The following FGF13 variants were observed in gnomAD, a reference collection of about 807,000 sequenced individuals.
FGF13 encodes fibroblast growth factor homologous factor 2.
A neutral mutation model predicts 19.5 loss-of-function variants in FGF13; 2 were observed. The observed-to-expected ratio is 0.10, with a 90% CI of 0.04 to 0.32. The LOEUF (loss-of-function observed/expected upper bound fraction) is 0.32, where lower values mean the gene tolerates loss of function less well. FGF13 is among the 10% of genes least tolerant of loss of function. The pLI, the probability that FGF13 is intolerant of heterozygous loss-of-function variation, is 1.00. For synonymous variants in FGF13, 72 were observed against 76.9 expected (o/e 0.94, Z 0.33); for missense variants, 113 against 192.7 (o/e 0.59, Z 2.45).
At chrX:138,723,497 A>T (rs1003085567) in intron 1 of FGF13, among the ~76,000 whole-genome samples, 10 of 111,277 alleles carry the variant, frequency 9.0e-5, no homozygotes, top group Admixed American at 1.9e-4. Context: ...GCTGATTAAC[A>T]GGAGTATTTG....
intron 1 of FGF13, among the ~76,000 whole-genome samples, chrX:139,192,102 A>G (rs2084335397): frequency 1.8e-5 from 2 of 111,845 alleles, no homozygotes; most frequent in Admixed American, 9.5e-5. Context: ...AGAGAGAAAG[A>G]AGGCTTCCAA....
chrX:138,989,319 A>G (rs1424581145), intron 1 of FGF13, among the ~76,000 whole-genome samples: 2 of 111,828 alleles, frequency 1.8e-5, no homozygotes, highest in Non-Finnish European at 3.8e-5. Flanking sequence ...TATGGCGATC[A>G]CAACCACACT....
At chrX:138,826,609 T>A (rs942143359) in intron 3 of FGF13, among the ~76,000 whole-genome samples, 4 of 112,255 alleles carry the variant, frequency 3.6e-5, no homozygotes, top group African/African-American at 1.3e-4. Context: ...AATCAGATCC[T>A]AAGAATGCTG....
intron 1 of FGF13, among the ~76,000 whole-genome samples, chrX:139,107,891 GA>G (rs1263942968): frequency 5.2e-4 from 55 of 105,151 alleles, no homozygotes; most frequent in Middle Eastern, 4.9e-3. Context: ...AGTAAAAAAA[GA>G]AAAAAAAAAT....
At chrX:138,927,782 G>T (rs1168856528) in intron 1 of FGF13, among the ~76,000 whole-genome samples, 9 of 111,664 alleles carry the variant, frequency 8.1e-5, no homozygotes, top group Non-Finnish European at 1.7e-4. Context: ...CTATTACTTA[G>T]TACCAGCAAG....
At position 138,627,636 on chromosome X, in the gene FGF13, T is replaced by TGCGC. The variant is rs1569348133; in HGVS notation, c.*5213_*5214insGCGC. 1.1e-4 allele frequency: 12 copies of TGCGC among 104,832 alleles called. No individual in the cohort carries two copies. The highest frequency in any genetic ancestry group is 3.1e-4 in the Admixed American group (3 of 9,529). The allele number at this position is 104,832 out of a possible 1,213,427, so 8.6% of individuals were successfully genotyped here. ...GTGTGTGTGTGTGTGTGCGCGTGTG[T>TGCGC]GTGTGTGTGTGTGTGAAGTGTTTGT... On this transcript the variant is annotated 3_prime_UTR_variant, in exon 5 of 5. Transcript: ENST00000315930.
chrX:138,955,608 T>A (rs1170789046), intron 1 of FGF13, among the ~76,000 whole-genome samples: 1 of 112,013 alleles, frequency 8.9e-6, no homozygotes, highest in Non-Finnish European at 1.9e-5. Context: ...AAGTGTGTGC[T>A]CTTAACCACA....
intron 3 of FGF13, among the ~76,000 whole-genome samples, chrX:138,687,820 C>T (rs944977273): frequency 9.0e-6 from 1 of 111,383 alleles, no homozygotes; most frequent in African/African-American, 3.3e-5. Flanking sequence ...TATTCAGCCA[C>T]AAAAAAGAAT....
intron 1 of FGF13, among the ~76,000 whole-genome samples, chrX:138,911,591 G>A (rs952345668): frequency 2.7e-5 from 3 of 110,694 alleles, no homozygotes; most frequent in African/African-American, 9.9e-5. Context: ...TAACAAACCT[G>A]CACATGTACC....
chrX:138,970,569 CT>C (rs2091911650), intron 1 of FGF13, among the ~76,000 whole-genome samples: 1 of 111,775 alleles, frequency 8.9e-6, no homozygotes, highest in Non-Finnish European at 1.9e-5. Flanking sequence ...CGTCAGGATG[CT>C]TCTAGTCCAA....
intron 1 of FGF13, among the ~76,000 whole-genome samples, chrX:138,955,381 C>T (rs910261997): frequency 8.9e-6 from 1 of 112,308 alleles, no homozygotes; most frequent in Admixed American, 9.4e-5. Context: ...ATTCAGAATA[C>T]AGAGTCTTCT....
intron 1 of FGF13, among the ~76,000 whole-genome samples, chrX:139,087,282 G>C (rs775357591): frequency 1.5e-4 from 16 of 105,260 alleles, no homozygotes; most frequent in African/African-American, 4.6e-4. Flanking sequence ...GGCAACAAGA[G>C]TGAAAACTCC....
rs1015601721 is a variant in FGF13, at chrX:138,619,700, A to G, written c.*13150T>C. 3.6e-5 allele frequency: 4 copies of G among 112,179 alleles called. No homozygotes were observed. Among genetic ancestry groups the G allele is most frequent in the African/African-American group, 1.3e-4 (4 of 30,866 alleles). 9.2% of individuals were successfully genotyped at this position (112,179 alleles called of 1,213,427 possible). A position where few individuals can be genotyped will look rare whatever the true frequency, so the allele number is the denominator to read the frequency against. ...TCAAAAAAAGACATTCATGAGGCCA[A>G]CGAACATATGAAAAAAGTTCAACAT... On this transcript the variant is annotated 3_prime_UTR_variant, in exon 5 of 5. Transcript: ENST00000315930.
chrX:139,101,690 C>T (rs2083515571), intron 1 of FGF13, among the ~76,000 whole-genome samples: 1 of 112,310 alleles, frequency 8.9e-6, no homozygotes, highest in African/African-American at 3.2e-5. Flanking sequence ...AGTGAAAATA[C>T]AGATTTTTAA....
chrX:139,017,082 G>GTATATA (rs10626987), intron 1 of FGF13, among the ~76,000 whole-genome samples: 433 of 101,100 alleles, frequency 4.3e-3, no homozygotes, highest in Admixed American at 5.7e-3. Flanking sequence ...ATACATGTGT[G>GTATATA]TATATATATA....
rs910016508 is a variant in FGF13, at chrX:138,711,607, G to C, written c.-604C>G. Reference sequence around the variant, plus strand: ...GTTGGCCCGTGCCAGGTTTCCGACAGGGATCAAACAGGTAATGGCCTCGCA... The same window carrying C: ...GTTGGCCCGTGCCAGGTTTCCGACACGGATCAAACAGGTAATGGCCTCGCA... On this transcript the variant is annotated 5_prime_UTR_variant, in exon 1 of 5. Transcript: ENST00000315930. 1.3e-6 allele frequency: 1 copy of C among 754,158 alleles called. No homozygotes were observed. Among genetic ancestry groups the C allele is most frequent in the African/African-American group, 2.3e-5 (1 of 43,702 alleles). 62.2% of individuals were successfully genotyped at this position (754,158 alleles called of 1,213,427 possible). A position where few individuals can be genotyped will look rare whatever the true frequency, so the allele number is the denominator to read the frequency against.
At chrX:139,079,733 G>A (rs1157441955) in intron 1 of FGF13, among the ~76,000 whole-genome samples, 1 of 111,339 alleles carries the variant, frequency 9.0e-6, no homozygotes, top group Admixed American at 9.6e-5. Flanking sequence ...GAAAGGCAAT[G>A]CAGGAGTGGT....
At chrX:139,005,285 G>C (rs2092096543) in intron 1 of FGF13, among the ~76,000 whole-genome samples, 2 of 99,476 alleles carry the variant, frequency 2.0e-5, no homozygotes, top group Admixed American at 2.5e-4. Context: ...AAAAGTTTTT[G>C]TTTAATAATC....
In FGF13 at chrX:139,129,557, G is replaced by C. The variant is rs182724100; in HGVS notation, c.-113+73859C>G. ...TGCATATTAGAGACAGGCCCCAAAA[G>C]ATGACAGATCTCTTGCGTCTGAAAA... is the stretch of plus-strand genomic sequence containing the variant. On this transcript the variant is annotated intron_variant, in intron 1 of 2. Coordinates refer to the FGF13 transcript ENST00000421460. Among the ~76,000 whole-genome samples, 349 of 111,685 alleles carry C rather than the reference G, an allele frequency of 3.1e-3. 3 individuals are homozygous for C. Among genetic ancestry groups the C allele is most frequent in the African/African-American group, 0.011 (339 of 30,755 alleles).
Sources: gnomAD v4.1 joint callset for allele counts (sites outside exome capture counted in the v4.1 genomes callset) on GRCh38, gnomAD v4.1.1 for gene constraint, MANE v1.5 for transcripts, NCBI Gene and HGNC (gene_info 2026-07-23, HGNC 2026-07-21) for gene names.